Variants in ANXA7 observed in about 807,000 individuals in gnomAD.
ANXA7 encodes annexin A7.
Under a neutral mutation model 64.9 loss-of-function variants are expected in ANXA7, and 55 were observed. The observed-to-expected ratio is 0.85, with a 90% confidence interval of 0.68 to 1.06. The LOEUF (loss-of-function observed/expected upper bound fraction) is 1.06, where lower values mean the gene tolerates loss of function less well. Among genes scored for constraint, ANXA7 ranks in the 50% least tolerant of loss-of-function variants. ANXA7 has a pLI of 0.00. For missense variants in ANXA7, 548 were observed against 582.1 expected, an observed-to-expected ratio of 0.94 and a Z score of 0.60; for synonymous variants, 200 against 192.4, an observed-to-expected ratio of 1.04 and a Z score of -0.33.
At chr10:73,404,953 A>T (rs7080666) in intron 1 of ANXA7, among the ~76,000 whole-genome samples, 6,784 of 152,064 alleles carry the variant, frequency 0.045, 458 homozygotes, top group African/African-American at 0.15. Context: ...CTCTATTAAA[A>T]ATACAAAAAT....
intron 7 of ANXA7, among the ~76,000 whole-genome samples, chr10:73,385,838 C>T (rs370216435): frequency 6.6e-6 from 1 of 152,020 alleles, no homozygotes; most frequent in African/African-American, 2.4e-5. Context: ...CAAGGTGGGA[C>T]CAATCAATGG....
At chr10:73,383,450 T>C (rs1031500552) in intron 8 of ANXA7, 105 bp from the exon 9 acceptor site, 2 of 1,269,654 alleles carry the variant, frequency 1.6e-6, no homozygotes, top group African/African-American at 1.5e-5. Flanking sequence ...AAACTATATA[T>C]TCAGATGGAT....
intron 5 of ANXA7, among the ~76,000 whole-genome samples, chr10:73,389,839 G>C (rs917017176): frequency 5.3e-5 from 8 of 152,128 alleles, no homozygotes; most frequent in African/African-American, 1.9e-4. Flanking sequence ...TGCCCAGGCT[G>C]GTATCGAATT....
intron 1 of ANXA7, among the ~76,000 whole-genome samples, chr10:73,407,145 C>T (rs2055770262): frequency 6.6e-6 from 1 of 152,162 alleles, no homozygotes; most frequent in Admixed American, 6.5e-5. Flanking sequence ...GGCACAATCT[C>T]GGGTCACTGC....
Position 73,400,867 on chromosome 10 carries a change from C to T in ANXA7, c.-1-10G>A. On this transcript the variant is annotated splice_polypyrimidine_tract_variant and intron_variant, in intron 1 of 12. Coordinates refer to ENST00000372921, the MANE Select transcript of ANXA7 (RefSeq NM_001156.5). ...GCCTGGGTATGACATTCTGTAACAA[C>T]AATAAAAAATGTCCTCTGTAAGTTT... 1 of 1,588,586 alleles carries T rather than the reference C, an allele frequency of 6.3e-7. No individual in the cohort carries two copies. The highest frequency in any genetic ancestry group is 8.6e-7 in the Non-Finnish European group (1 of 1,167,468).
At chr10:73,384,731 C>T (rs1431116492) in intron 7 of ANXA7, among the ~76,000 whole-genome samples, 1 of 150,884 alleles carries the variant, frequency 6.6e-6, no homozygotes, top group Non-Finnish European at 1.5e-5. Context: ...AGATACACAT[C>T]TAAAAAAAAA....
intron 6 of ANXA7, 40 bp downstream of exon 6, chr10:73,388,272 C>T (rs1564525178): frequency 2.7e-6 from 4 of 1,465,862 alleles, no homozygotes; most frequent in African/African-American, 1.4e-5. Context: ...GAACTGATTA[C>T]TTTAACTTAT....
Position 73,377,773 on chromosome 10 carries a change from G to GGGGGGTGTGTGTGTGTGTGT in ANXA7, c.1278+1137_1278+1138insACACACACACACACACCCCC, listed in dbSNP as rs1554815379. 8.0e-5 allele frequency among the ~76,000 whole-genome samples: 10 copies of GGGGGGTGTGTGTGTGTGTGT among 124,846 alleles called. 1 individual carries two copies. The highest frequency in any genetic ancestry group is 5.6e-4 in the East Asian group (2 of 3,592). The allele number at this position is 124,846 out of a possible 152,430, so 81.9% of individuals were successfully genotyped here. A position where few individuals can be genotyped will look rare whatever the true frequency, so the allele number is the denominator to read the frequency against. On this transcript the variant is annotated intron_variant, in intron 12 of 12. Coordinates refer to ENST00000372921, the MANE Select transcript of ANXA7 (RefSeq NM_001156.5). Reference sequence around the variant, plus strand: ...ACTACCATGCCGGGGGGTGGGTGTGGGTGTGTGTGTGTGTGTGTGTGTGTG... The same window carrying GGGGGGTGTGTGTGTGTGTGT: ...ACTACCATGCCGGGGGGTGGGTGTGGGGGGGTGTGTGTGTGTGTGTGTGTGTGTGTGTGTGTGTGTGTGTG...
chr10:73,412,504 T>A lies in ANXA7; in HGVS notation c.-2+1508A>T, dbSNP rs115706713. On this transcript the variant is annotated intron_variant, in intron 1 of 12. Transcript: ENST00000372921. ...GTAAGTCTAGAGTTTTTTGGGTTTT[T>A]TTTTTTTTTGTGACAGAGTTTCTCT... Among the ~76,000 whole-genome samples, 425 of 151,920 alleles carry A rather than the reference T, an allele frequency of 2.8e-3. 1 individual carries two copies. Among genetic ancestry groups the A allele is most frequent in the African/African-American group, 9.8e-3 (408 of 41,460 alleles).
intron 1 of ANXA7, chr10:73,408,311 A>G (rs922392294): frequency 6.6e-6 from 1 of 152,056 alleles, no homozygotes; most frequent in Non-Finnish European, 1.5e-5. Flanking sequence ...AAGACAAGAC[A>G]AGACAAGGAA....
intron 9 of ANXA7, among the ~76,000 whole-genome samples, chr10:73,382,333 CTTTTCTTT>C (rs1468669050): frequency 1.3e-5 from 2 of 150,192 alleles, no homozygotes; most frequent in Non-Finnish European, 3.0e-5. Flanking sequence ...AAGTGTGCTT[CTTTTCTTT>C]TTTTCTTTTC....
chr10:73,381,004 G>A (rs757547788), intron 9 of ANXA7, among the ~76,000 whole-genome samples: 14 of 152,050 alleles, frequency 9.2e-5, no homozygotes, highest in Non-Finnish European at 1.6e-4. Flanking sequence ...GATATAATAT[G>A]GAGGCTTCAT....
chr10:73,405,914 A>G (rs1177533997), intron 1 of ANXA7, among the ~76,000 whole-genome samples: 3 of 151,782 alleles, frequency 2.0e-5, no homozygotes, highest in African/African-American at 7.3e-5. Context: ...CACTACTTAA[A>G]TTACCTAATA....
At chr10:73,382,676 C>T (rs1428582594) in intron 9 of ANXA7, among the ~76,000 whole-genome samples, 1 of 152,090 alleles carries the variant, frequency 6.6e-6, no homozygotes, top group African/African-American at 2.4e-5. Flanking sequence ...ATTCCAAATA[C>T]CCTATTTGGA....
intron 5 of ANXA7, among the ~76,000 whole-genome samples, chr10:73,390,370 C>T (rs2055449792): frequency 6.6e-6 from 1 of 152,152 alleles, no homozygotes; most frequent in Non-Finnish European, 1.5e-5. Flanking sequence ...TATATTTTTA[C>T]TCCAACATTT....
chr10:73,400,596 G>A (rs2055645473), intron 2 of ANXA7, among the ~76,000 whole-genome samples: 1 of 152,134 alleles, frequency 6.6e-6, no homozygotes, highest in African/African-American at 2.4e-5. Context: ...TGGCTACACA[G>A]GGCTGGTGCT....
In ANXA7 at chr10:73,379,158, A is replaced by G. The variant is rs111855717; in HGVS notation, c.1166-135T>C. 678 of 584,146 alleles carry G rather than the reference A, an allele frequency of 1.2e-3. 3 individuals carry two copies. Among genetic ancestry groups the G allele is most frequent in the African/African-American group, 9.0e-3 (462 of 51,468 alleles). 36.2% of individuals were successfully genotyped at this position (584,146 alleles called of 1,614,324 possible). A position where few individuals can be genotyped will look rare whatever the true frequency, so the allele number is the denominator to read the frequency against. ...TCACAGAAACATGGGGTGAGTTAAGAGTGTTCAGATGCTCTCCTTGATTTT... is the reference window on the plus strand; with the variant it reads ...TCACAGAAACATGGGGTGAGTTAAGGGTGTTCAGATGCTCTCCTTGATTTT... On this transcript the variant is annotated intron_variant, in intron 11 of 12. Coordinates refer to ENST00000372921, the MANE Select transcript of ANXA7 (RefSeq NM_001156.5).
chr10:73,376,590 G>A (rs1271252386), intron 12 of ANXA7, among the ~76,000 whole-genome samples: 1 of 152,134 alleles, frequency 6.6e-6, no homozygotes, highest in Non-Finnish European at 1.5e-5. Flanking sequence ...CAGCTGCTGT[G>A]GAAACTAATA....
chr10:73,393,673 T>A (rs2055522579), intron 5 of ANXA7, among the ~76,000 whole-genome samples: 1 of 152,220 alleles, frequency 6.6e-6, no homozygotes, highest in African/African-American at 2.4e-5. Context: ...AAGCTGAAAC[T>A]GGATCCCTTC....
Sources: gnomAD v4.1 joint callset for allele counts (sites outside exome capture counted in the v4.1 genomes callset) on GRCh38, gnomAD v4.1.1 for gene constraint, MANE v1.5 for transcripts, NCBI Gene and HGNC (gene_info 2026-07-23, HGNC 2026-07-21) for gene names.